Variants in DPCD observed in about 807,000 individuals in gnomAD.
DPCD encodes the protein protein DPCD.
In DPCD, 20 loss-of-function variants were observed where a neutral mutation model predicts 26.4. That is an observed-to-expected ratio of 0.76 (90% CI 0.53 to 1.10). The LOEUF (loss-of-function observed/expected upper bound fraction) is 1.10, where lower values mean the gene tolerates loss of function less well. Ranked by LOEUF, DPCD falls within the 50% of genes least tolerant of loss-of-function variation. The pLI is 0.00. For missense variants in DPCD, 202 were observed against 253.9 expected, an observed-to-expected ratio of 0.80 and a Z score of 1.39; for synonymous variants, 97 against 94.2, an observed-to-expected ratio of 1.03 and a Z score of -0.17.
chr10:101,590,878 T>A (rs573698893), intron 1 of DPCD, among the ~76,000 whole-genome samples: 25 of 152,320 alleles, frequency 1.6e-4, no homozygotes, highest in Middle Eastern at 6.8e-3. Context: ...TCATACAATA[T>A]TTGTCTTTCT....
At chr10:101,590,094 G>A (rs992509834) in intron 1 of DPCD, among the ~76,000 whole-genome samples, 1 of 151,384 alleles carries the variant, frequency 6.6e-6, no homozygotes, top group Middle Eastern at 3.2e-3. Context: ...ATTAATAGGC[G>A]TTTGCTGAGT....
intron 4 of DPCD, among the ~76,000 whole-genome samples, chr10:101,604,278 C>T (rs1163663493): frequency 6.6e-6 from 1 of 152,198 alleles, no homozygotes; most frequent in Non-Finnish European, 1.5e-5. Context: ...GATGAACCAG[C>T]TTGCTGAAAG....
chr10:101,606,837 G>C, intron 4 of DPCD, among the ~76,000 whole-genome samples: 1 of 152,070 alleles, frequency 6.6e-6, no homozygotes, highest in East Asian at 1.9e-4. Flanking sequence ...TGAGAAGGGG[G>C]TGGGCTTCCC....
At chr10:101,598,769 C>A (rs567721814) in intron 2 of DPCD, among the ~76,000 whole-genome samples, 1 of 152,110 alleles carries the variant, frequency 6.6e-6, no homozygotes, top group Non-Finnish European at 1.5e-5. Flanking sequence ...GGACTACAGG[C>A]GTGTGCCACC....
At chr10:101,595,662 C>T (rs1339507107) in intron 2 of DPCD, among the ~76,000 whole-genome samples, 1 of 152,190 alleles carries the variant, frequency 6.6e-6, no homozygotes, top group Non-Finnish European at 1.5e-5. Context: ...CCTCAGTCTC[C>T]AGTCTTAAAA....
Position 101,609,024 on chromosome 10 carries a change from G to A in DPCD, c.507+87G>A, listed in dbSNP as rs1219361633. ...ACTTCCCATCCCATAAGAGTCCTCA[G>A]TTCTAGCCCCAAGCCCTAGGGTATG... On this transcript the variant is annotated intron_variant, in intron 5 of 5. Coordinates refer to ENST00000370151, the MANE Select transcript of DPCD (RefSeq NM_015448.3). The A allele has an allele frequency of 7.1e-6, 8 of 1,131,542 alleles. No individual in the cohort carries two copies. The East Asian group carries it at 1.6e-4, about 23-fold the overall frequency. The allele number at this position is 1,131,542 out of a possible 1,614,324, so 70.1% of individuals were successfully genotyped here. A position where few individuals can be genotyped will look rare whatever the true frequency, so the allele number is the denominator to read the frequency against.
chr10:101,589,153 A>G (rs1224330427), intron 1 of DPCD, among the ~76,000 whole-genome samples: 1 of 152,158 alleles, frequency 6.6e-6, no homozygotes, highest in Non-Finnish European at 1.5e-5. Flanking sequence ...CTGGTGACTC[A>G]TGTTCACAGG....
intron 4 of DPCD, 107 bp from the exon 5 acceptor site, chr10:101,608,728 G>A (rs186361154): frequency 2.1e-5 from 15 of 723,798 alleles, no homozygotes; most frequent in Admixed American, 1.3e-4. Flanking sequence ...CTCTGCGTGT[G>A]TGGAAGGTGT....
intron 4 of DPCD, 40 bp from the exon 5 acceptor site, chr10:101,608,795 C>T: frequency 6.8e-7 from 1 of 1,475,436 alleles, no homozygotes; most frequent in Non-Finnish European, 9.5e-7. Context: ...TGTTGGGTCA[C>T]CTTGCCGAGT....
intron 4 of DPCD, among the ~76,000 whole-genome samples, chr10:101,606,650 C>G (rs1201508504): frequency 6.6e-6 from 1 of 152,152 alleles, no homozygotes; most frequent in East Asian, 1.9e-4. Flanking sequence ...GCTCACAGCT[C>G]AAGGTCTGGG....
At chr10:101,607,819 C>A (rs1160356601) in intron 4 of DPCD, among the ~76,000 whole-genome samples, 1 of 152,188 alleles carries the variant, frequency 6.6e-6, no homozygotes, top group Non-Finnish European at 1.5e-5. Flanking sequence ...GGTCTAGCAG[C>A]CCCTGGCCAG....
chr10:101,603,383 GATTT>G lies in DPCD; in HGVS notation c.404+2052_404+2055del, dbSNP rs376527023. Among the ~76,000 whole-genome samples, 504 of 152,212 alleles carry G rather than the reference GATTT, an allele frequency of 3.3e-3. 6 individuals carry two copies. Among genetic ancestry groups the G allele is most frequent in the African/African-American group, 0.012 (489 of 41,538 alleles). ...TATTATTATTAATTTGGAAGGGAGA[GATTT>G]ATTTCTCATCAGGGGTTACAGCCTG... On this transcript the variant is annotated intron_variant, in intron 4 of 5. Coordinates refer to ENST00000370151, the MANE Select transcript of DPCD (RefSeq NM_015448.3). This position sits in a 1 kb window ranked among gnomAD's most constrained non-coding sequence, Gnocchi z 4.6.
chr10:101,600,954 A>C lies in DPCD; in HGVS notation c.270+92A>C. On this transcript the variant is annotated intron_variant, in intron 3 of 5. Coordinates refer to ENST00000370151, the MANE Select transcript of DPCD (RefSeq NM_015448.3). This position sits in a 1 kb window ranked among gnomAD's most constrained non-coding sequence, Gnocchi z 4.7. ...TGAGGGCAGGGACCATGTCTTGTTC[A>C]CCTCCTCGCCTCCAGTGTGCCACCT... 6.3e-7 allele frequency: 1 copy of C among 1,581,788 alleles called. No individual in the cohort carries two copies. Among genetic ancestry groups the C allele is most frequent in the South Asian group, 1.1e-5 (1 of 87,274 alleles).
chr10:101,590,482 C>A (rs1221625107), intron 1 of DPCD, among the ~76,000 whole-genome samples: 1 of 151,590 alleles, frequency 6.6e-6, no homozygotes, highest in Non-Finnish European at 1.5e-5. Context: ...GCATTTTAAT[C>A]ATTTTTAAGT....
chr10:101,600,887 T>A lies in DPCD; in HGVS notation c.270+25T>A. 6.2e-7 allele frequency: 1 copy of A among 1,613,658 alleles called. No individual in the cohort carries two copies. The highest frequency in any genetic ancestry group is 8.5e-7 in the Non-Finnish European group (1 of 1,179,892). On this transcript the variant is annotated intron_variant, in intron 3 of 5. Transcript: ENST00000370151. This position sits in a 1 kb window ranked among gnomAD's most constrained non-coding sequence, Gnocchi z 4.7. ...TGTACGTCCATCTGTCCAGGTGTCTTGCACGGACTGAGGTGGGGGTGGGCT... is the reference window on the plus strand; with the variant it reads ...TGTACGTCCATCTGTCCAGGTGTCTAGCACGGACTGAGGTGGGGGTGGGCT...
intron 4 of DPCD, chr10:101,605,066 C>T (rs1345486142): frequency 1.1e-5 from 17 of 1,546,630 alleles, no homozygotes; most frequent in South Asian, 1.1e-4. Flanking sequence ...TAGCAGGGGG[C>T]GACTGTGGGT....
At chr10:101,595,160 G>C (rs2063641659) in intron 2 of DPCD, among the ~76,000 whole-genome samples, 1 of 152,204 alleles carries the variant, frequency 6.6e-6, no homozygotes, top group South Asian at 2.1e-4. Context: ...ATCAGAGGCA[G>C]AGCTTCTGAG....
At chr10:101,602,153 T>C (rs2063703006) in intron 4 of DPCD, among the ~76,000 whole-genome samples, 1 of 152,248 alleles carries the variant, frequency 6.6e-6, no homozygotes, top group Non-Finnish European at 1.5e-5. Context: ...AAAATAGATT[T>C]GGGCATTGAG....
intron 1 of DPCD, among the ~76,000 whole-genome samples, chr10:101,590,065 A>AAG (rs2063587041): frequency 7.5e-6 from 1 of 133,840 alleles, no homozygotes; most frequent in African/African-American, 2.6e-5. Flanking sequence ...AAAAACTGGA[A>AAG]AAAAAAAAAA....
Sources: allele counts gnomAD v4.1 joint callset (sites outside exome capture counted in the v4.1 genomes callset), GRCh38; gene constraint gnomAD v4.1.1; non-coding constraint Gnocchi (gnomAD v3.1); transcripts MANE v1.5; gene names NCBI Gene and HGNC (gene_info 2026-07-23, HGNC 2026-07-21).